Variants in ARHGEF33 observed in about 807,000 individuals in gnomAD.
ARHGEF33 encodes DH and coiled-coil domain-containing protein ENSP00000381780.
ARHGEF33 carries 72 observed loss-of-function variants against 101.9 expected under a neutral mutation model. The observed-to-expected ratio is 0.71, with a 90% CI of 0.58 to 0.86. The LOEUF (loss-of-function observed/expected upper bound fraction) is 0.86. Among genes scored for constraint, ARHGEF33 ranks in the 40% least tolerant of loss-of-function variants. The pLI, the probability that ARHGEF33 is intolerant of heterozygous loss-of-function variation, is 0.00. For synonymous variants in ARHGEF33, 499 were observed against 442.5 expected, an observed-to-expected ratio of 1.13 and a Z score of -1.60; for missense variants, 1,169 against 1,111.3, an observed-to-expected ratio of 1.05 and a Z score of -0.74.
chr2:38,942,323 T>G (rs1667332449), intron 9 of ARHGEF33, among the ~76,000 whole-genome samples: 1 of 151,762 alleles, frequency 6.6e-6, no homozygotes, highest in African/African-American at 2.4e-5. Flanking sequence ...CACACCACTA[T>G]GCCCAGCTAA....
chr2:38,908,559 T>A (rs2124984248), intron 2 of ARHGEF33, among the ~76,000 whole-genome samples: 1 of 152,352 alleles, frequency 6.6e-6, no homozygotes, highest in East Asian at 1.9e-4. Context: ...CTATCCTGAC[T>A]GATCTTAGGT....
At chr2:38,902,831 G>A (rs1384357196) in intron 2 of ARHGEF33, among the ~76,000 whole-genome samples, 1 of 152,114 alleles carries the variant, frequency 6.6e-6, no homozygotes, top group East Asian at 1.9e-4. Context: ...CATTTGATTG[G>A]TAAATGTTGT....
intron 4 of ARHGEF33, among the ~76,000 whole-genome samples, chr2:38,927,402 A>G (rs1039007773): frequency 1.3e-5 from 2 of 152,230 alleles, no homozygotes; most frequent in Non-Finnish European, 2.9e-5. Context: ...CCTTTAAAGT[A>G]AAAATACTTG....
Position 38,898,728 on chromosome 2 carries a change from G to T in ARHGEF33, c.-86+2879G>T, listed in dbSNP as rs550825865. Among the ~76,000 whole-genome samples, 5 of 152,164 alleles carry T rather than the reference G, an allele frequency of 3.3e-5. No individual in the cohort carries two copies. In the South Asian group the frequency reaches 1.0e-3, roughly 32 times the overall value. On this transcript the variant is annotated intron_variant, in intron 2 of 17. Coordinates refer to ENST00000409978, the MANE Select transcript of ARHGEF33 (RefSeq NM_001145451.5). ...TGCTTCTTGGCACTGGCTTCATAAA[G>T]TCTCAAGGATATTTCACTTGATAAA... is the stretch of plus-strand genomic sequence containing the variant.
At chr2:38,968,947 A>G (rs976573201) in intron 17 of ARHGEF33, among the ~76,000 whole-genome samples, 2 of 152,210 alleles carry the variant, frequency 1.3e-5, no homozygotes, top group African/African-American at 2.4e-5. Flanking sequence ...TATAAGGTAG[A>G]GAGGAAGGTC....
At chr2:38,907,297 T>G (rs56322480) in intron 2 of ARHGEF33, among the ~76,000 whole-genome samples, 12,375 of 152,252 alleles carry the variant, frequency 0.081, 1,521 homozygotes, top group African/African-American at 0.26. Flanking sequence ...CTTTGCTCAC[T>G]GGGAGTCTTT....
intron 2 of ARHGEF33, among the ~76,000 whole-genome samples, chr2:38,911,663 A>G (rs1348362455): frequency 2.6e-5 from 4 of 152,310 alleles, no homozygotes; most frequent in East Asian, 1.9e-4. Context: ...TTATTTCTCT[A>G]TATCAATAAT....
At chr2:38,937,200 T>C (rs1391110355) in intron 8 of ARHGEF33, 135 bp from the exon 9 acceptor site, 10 of 602,618 alleles carry the variant, frequency 1.7e-5, no homozygotes, top group South Asian at 6.0e-5. Context: ...TTCACCATGT[T>C]AGCCAGGATG....
At chr2:38,904,381 G>A (rs887090580) in intron 2 of ARHGEF33, among the ~76,000 whole-genome samples, 4 of 151,816 alleles carry the variant, frequency 2.6e-5, no homozygotes, top group South Asian at 4.2e-4. Context: ...ACATTGTGGA[G>A]GACTTTGAGA....
Position 38,960,280 on chromosome 2 carries a change from C to T in ARHGEF33, c.1975C>T (p.Pro659Ser). ...ESSLDICFLRPVSFAMEAERP... is the reference protein window; with the variant it reads ...ESSLDICFLRSVSFAMEAERP... ...CAGCCTGGACATCTGCTTCCTGCGG[C>T]CCGTCAGCTTCGCCATGGAGGCCGA... The change falls in exon 16 of 18, where the codon CCC (proline) becomes TCC (serine). Residue 659 changes from proline to serine, a missense_variant. Pro to Ser is a moderately conservative substitution (Grantham distance 74, BLOSUM62 -1). Coordinates refer to ENST00000409978, the MANE Select transcript of ARHGEF33 (RefSeq NM_001145451.5). The T allele has an allele frequency of 1.3e-6, 2 of 1,547,444 alleles. No individual in the cohort carries two copies. Among genetic ancestry groups the T allele is most frequent in the Non-Finnish European group, 1.7e-6 (2 of 1,146,192 alleles).
intron 11 of ARHGEF33, among the ~76,000 whole-genome samples, chr2:38,952,140 T>C (rs1319393071): frequency 1.3e-5 from 2 of 152,214 alleles, no homozygotes; most frequent in Admixed American, 6.5e-5. Context: ...TTTTAAAAGA[T>C]TGTGTGGGCT....
chr2:38,944,024 A>C lies in ARHGEF33; in HGVS notation c.914A>C (p.Glu305Ala), dbSNP rs758277834. ...QGSDGKRNSK[E>A]RSLFPGSLRY... ...TCAGATGGAAAGAGGAATTCCAAAG[A>C]GAGAAGGTATCCATGCACTCATTGC... The change falls in exon 10 of 18, where the codon GAG (glutamate) becomes GCG (alanine). Residue 305 changes from glutamate to alanine, a missense_variant. Glu to Ala is a moderately radical substitution (Grantham distance 107). Transcript: ENST00000409978. 6.5e-7 allele frequency: 1 copy of C among 1,550,128 alleles called. No homozygotes were observed. Among genetic ancestry groups the C allele is most frequent in the Non-Finnish European group, 8.7e-7 (1 of 1,146,308 alleles).
At chr2:38,909,211 G>T (rs930223016) in intron 2 of ARHGEF33, among the ~76,000 whole-genome samples, 16 of 152,246 alleles carry the variant, frequency 1.1e-4, no homozygotes, top group Middle Eastern at 3.4e-3. Flanking sequence ...TTTGACAAAG[G>T]GTCACGTAAG....
At chr2:38,929,679 C>T in intron 5 of ARHGEF33, 30 bp from the exon 6 acceptor site, 3 of 1,545,018 alleles carry the variant, frequency 1.9e-6, no homozygotes, top group East Asian at 2.4e-5. Flanking sequence ...CCATGTACCA[C>T]GTTAAAACAT....
intron 7 of ARHGEF33, among the ~76,000 whole-genome samples, chr2:38,933,488 G>C (rs389023): frequency 2.0e-5 from 3 of 151,690 alleles, no homozygotes; most frequent in Non-Finnish European, 4.4e-5. Context: ...GGTTCAAGCA[G>C]TTCTCCAGCC....
intron 7 of ARHGEF33, among the ~76,000 whole-genome samples, chr2:38,934,202 T>G (rs1278532666): frequency 2.0e-5 from 3 of 152,182 alleles, no homozygotes; most frequent in African/African-American, 7.2e-5. Context: ...CTTGAAACAT[T>G]CTCTTCTTTT....
At position 38,956,766 on chromosome 2, in the gene ARHGEF33, G is replaced by T. The variant is rs1470950173; in HGVS notation, c.1222-133G>T. On this transcript the variant is annotated intron_variant, in intron 13 of 17. Coordinates refer to ENST00000409978, the MANE Select transcript of ARHGEF33 (RefSeq NM_001145451.5). ...CCTTTCAGCGTATAATTAGATGGGG[G>T]TCATGTGTATTGTTCATTGTTTTGA... 20 of 1,077,044 alleles carry T rather than the reference G, an allele frequency of 1.9e-5. No homozygotes were observed. In the South Asian group the frequency reaches 3.3e-4, roughly 18 times the overall value. 66.7% of individuals were successfully genotyped at this position (1,077,044 alleles called of 1,614,324 possible). A position where few individuals can be genotyped will look rare whatever the true frequency, so the allele number is the denominator to read the frequency against.
At position 38,959,890 on chromosome 2, in the gene ARHGEF33, G is replaced by T. The variant is rs1443105916; in HGVS notation, c.1585G>T (p.Glu529Ter). The T allele has an allele frequency of 6.4e-7, 1 of 1,551,874 alleles. No homozygotes were observed. ...AAGCCAACAGCAGCAAAGCCTGATG[G>T]AGAGCATGCAGCCCGGGAAGCCCAG... ...KKSQQQQSLM[E>*]SMQPGKPSDW... is the part of the protein sequence containing the mutation. The change falls in exon 16 of 18, where the codon GAG (glutamate) becomes TAG (stop). Residue 529 changes from glutamate (E) to a stop codon, truncating the protein, a stop_gained. Transcript: ENST00000409978. LOFTEE classifies it high-confidence loss of function.
At chr2:38,957,130 G>A (rs1667787364) in intron 14 of ARHGEF33, 83 bp downstream of exon 14, 4 of 1,480,272 alleles carry the variant, frequency 2.7e-6, no homozygotes, top group Admixed American at 4.0e-5. Flanking sequence ...TGTGTGTTAA[G>A]TACCTGAAAT....
Sources: allele counts gnomAD v4.1 joint callset (sites outside exome capture counted in the v4.1 genomes callset), GRCh38; gene constraint gnomAD v4.1.1; transcripts MANE v1.5; gene names NCBI Gene and HGNC (gene_info 2026-07-23, HGNC 2026-07-21).